PPARD: variants seen among roughly 807,000 people sequenced by gnomAD.
PPARD encodes peroxisome proliferator activated receptor delta.
In PPARD, 6 loss-of-function variants were observed where a neutral mutation model predicts 39.5. That is an observed-to-expected ratio of 0.15 (90% CI 0.08 to 0.30). The LOEUF (loss-of-function observed/expected upper bound fraction) is 0.30. Ranked by LOEUF, PPARD falls within the 10% of genes least tolerant of loss-of-function variation. PPARD has a pLI of 1.00. For synonymous variants in PPARD, 210 were observed against 231.3 expected (o/e 0.91, Z 0.83); for missense variants, 397 against 596.8 (o/e 0.67, Z 3.49).
intron 2 of PPARD, chr6:35,397,541 C>A (rs538832953): frequency 1.0e-6 from 1 of 985,328 alleles, no homozygotes; most frequent in East Asian, 1.1e-4. Context: ...GGGTCAGATA[C>A]CCCTGGAAAA....
rs1284279740 is a variant in PPARD at position 35,424,626 on chromosome 6, A to C, written c.925A>C (p.Ser309Arg). ...NKDGLLVANG[S>R]GFVTREFLRS... Reference sequence around the variant, plus strand: ...GGACGGGCTGCTGGTAGCCAACGGCAGTGGCTTTGTCACCCGTGAGTTCCT... The same window carrying C: ...GGACGGGCTGCTGGTAGCCAACGGCCGTGGCTTTGTCACCCGTGAGTTCCT... The change falls in exon 7 of 8, where the codon AGT becomes CGT. Residue 309 changes from serine (S) to arginine (R), a missense_variant. Physicochemically the swap from Ser to Arg is moderately radical, Grantham distance 110. Coordinates refer to ENST00000360694, the MANE Select transcript of PPARD (RefSeq NM_006238.5). This position sits in a 1 kb window ranked among gnomAD's most constrained non-coding sequence, Gnocchi z 7.1. The C allele has an allele frequency of 1.2e-6, 2 of 1,614,122 alleles. No individual in the cohort carries two copies. Among genetic ancestry groups the C allele is most frequent in the African/African-American group, 2.7e-5 (2 of 74,946 alleles).
At chr6:35,402,282 T>G (rs1383084977) in intron 2 of PPARD, among the ~76,000 whole-genome samples, 1 of 152,244 alleles carries the variant, frequency 6.6e-6, no homozygotes. Context: ...CATGTGTATG[T>G]GCTTTGACAT....
At chr6:35,372,324 C>T (rs923971899) in intron 2 of PPARD, among the ~76,000 whole-genome samples, 2 of 152,176 alleles carry the variant, frequency 1.3e-5, no homozygotes, top group East Asian at 1.9e-4. Flanking sequence ...TTTACAGGCT[C>T]CCGCCACCAT....
At chr6:35,371,137 A>G (rs1762460576) in intron 2 of PPARD, among the ~76,000 whole-genome samples, 2 of 152,110 alleles carry the variant, frequency 1.3e-5, no homozygotes, top group South Asian at 2.1e-4. Flanking sequence ...GCTTTTTATT[A>G]TTACTTCAGC....
rs1581677874 is a variant in PPARD at position 35,424,224 on chromosome 6, GC to G, written c.627+78del. The stretch of plus-strand genomic sequence containing the variant: ...CTGCCGCCTGCCTGACTCCGGGAGA[GC>G]CAGGCCTTCTCCCTCCCTCAACTTC... On this transcript the variant is annotated intron_variant, in intron 6 of 7. Coordinates refer to ENST00000360694, the MANE Select transcript of PPARD (RefSeq NM_006238.5). The surrounding 1 kb of genome is among the most constrained non-coding windows in gnomAD (Gnocchi z 7.1). 5 of 1,594,050 alleles carry G rather than the reference GC, an allele frequency of 3.1e-6. No individual in the cohort carries two copies. In the East Asian group the frequency reaches 1.1e-4, roughly 36 times the overall value.
chr6:35,379,067 T>A (rs989566484), intron 2 of PPARD, among the ~76,000 whole-genome samples: 3 of 151,892 alleles, frequency 2.0e-5, no homozygotes, highest in Non-Finnish European at 2.9e-5. Flanking sequence ...GGGCACAGGG[T>A]TAGGGCTTGG....
intron 2 of PPARD, among the ~76,000 whole-genome samples, chr6:35,385,902 G>A (rs1763621061): frequency 6.6e-6 from 1 of 152,098 alleles, no homozygotes; most frequent in Non-Finnish European, 1.5e-5. Context: ...ACAGAATGGG[G>A]TGGGGAGGGC....
intron 2 of PPARD, among the ~76,000 whole-genome samples, chr6:35,358,813 G>A (rs1761763030): frequency 6.6e-6 from 1 of 152,188 alleles, no homozygotes; most frequent in Non-Finnish European, 1.5e-5. Flanking sequence ...TTCAATAAAT[G>A]TTTATTGTGT....
chr6:35,364,818 T>C (rs930882677), intron 2 of PPARD, among the ~76,000 whole-genome samples: 69 of 151,292 alleles, frequency 4.6e-4, no homozygotes, highest in Non-Finnish European at 8.1e-4. Flanking sequence ...CAAGTGATTC[T>C]TCTGCCTCAG....
At position 35,379,488 on chromosome 6, in the gene PPARD, A is replaced by G. The variant is rs1763012773; in HGVS notation, c.-101-31499A>G. On this transcript the variant is annotated intron_variant, in intron 2 of 7. Transcript: ENST00000360694. Reference sequence around the variant, plus strand: ...GTCTGTGGTCATATATTAAGCAACTATGTGTTCAGTACTGTGCTGGGTGCT... The same window carrying G: ...GTCTGTGGTCATATATTAAGCAACTGTGTGTTCAGTACTGTGCTGGGTGCT... 1.3e-5 allele frequency among the ~76,000 whole-genome samples: 2 copies of G among 152,194 alleles called. 1 individual carries two copies. The highest frequency in any genetic ancestry group is 4.1e-4 in the South Asian group (2 of 4,832).
At position 35,345,553 on chromosome 6, in the gene PPARD, CACTG is replaced by C. The variant is rs368136688; in HGVS notation, c.-185-1509_-185-1506del. On this transcript the variant is annotated intron_variant, in intron 1 of 7. Coordinates refer to ENST00000360694, the MANE Select transcript of PPARD (RefSeq NM_006238.5). ...TTGGCCTCTCAGAGCACTGAGATTA[CACTG>C]ACTGCTCGTTCAGGTGCCTTTCTCC... Among the ~76,000 whole-genome samples the C allele has an allele frequency of 2.9e-4, 44 of 152,334 alleles. No individual in the cohort carries two copies. The East Asian group carries it at 6.6e-3, about 23-fold the overall frequency.
At position 35,383,232 on chromosome 6, in the gene PPARD, G is replaced by T. The variant is rs578160906; in HGVS notation, c.-101-27755G>T. Among the ~76,000 whole-genome samples, 180 of 152,314 alleles carry T rather than the reference G, an allele frequency of 1.2e-3. 1 individual carries two copies. Among genetic ancestry groups the T allele is most frequent in the African/African-American group, 4.2e-3 (174 of 41,546 alleles). On this transcript the variant is annotated intron_variant, in intron 2 of 7. Transcript: ENST00000360694. ...CAAGGGATGGTGTCCCATTGACTTG[G>T]GTGGGAAGCACTAGAGGTGGAGCAG...
chr6:35,358,591 A>G (rs1390275135), intron 2 of PPARD, among the ~76,000 whole-genome samples: 1 of 152,120 alleles, frequency 6.6e-6, no homozygotes, highest in Non-Finnish European at 1.5e-5. Flanking sequence ...ATTTTCCTGA[A>G]CCAGTATTTG....
rs778943909 is a variant in PPARD, at chr6:35,421,894, G to C, written c.360G>C (p.Lys120Asn). ...AGCGCAGCTGCAAGATTCAGAAGAA[G>C]AACCGCAACAAGTGCCAGTACTGCC... Reference protein sequence around the residue: ...KCERSCKIQKKNRNKCQYCRF... With the variant: ...KCERSCKIQKNNRNKCQYCRF... Residue 120 changes from lysine to asparagine, a missense_variant, in exon 5 of 8, where the codon AAG becomes AAC. Physicochemically the swap from Lys to Asn is moderately conservative, Grantham distance 94. Transcript: ENST00000360694. The C allele has an allele frequency of 1.9e-6, 3 of 1,614,038 alleles. No individual in the cohort carries two copies. In the South Asian group the frequency reaches 3.3e-5, roughly 18 times the overall value.
intron 3 of PPARD, among the ~76,000 whole-genome samples, chr6:35,419,115 C>T (rs1765970607): frequency 1.3e-5 from 2 of 152,174 alleles, no homozygotes; most frequent in Non-Finnish European, 1.5e-5. Flanking sequence ...ACATCCCCTT[C>T]TACTCAAAAT....
rs193214740 is a variant in PPARD at position 35,381,330 on chromosome 6, G to A, written c.-101-29657G>A. 3.2e-4 allele frequency among the ~76,000 whole-genome samples: 49 copies of A among 152,306 alleles called. 2 individuals are homozygous for A. Among genetic ancestry groups the A allele is most frequent in the Admixed American group, 2.9e-3 (44 of 15,288 alleles). Reference sequence around the variant, plus strand: ...TTGGCCTTGTAAACTGTAGGTCAGCGATGAGTAATTTAAGAAAACTAAATT... The same window carrying A: ...TTGGCCTTGTAAACTGTAGGTCAGCAATGAGTAATTTAAGAAAACTAAATT... On this transcript the variant is annotated intron_variant, in intron 2 of 7. Coordinates refer to ENST00000360694, the MANE Select transcript of PPARD (RefSeq NM_006238.5).
intron 2 of PPARD, among the ~76,000 whole-genome samples, chr6:35,404,953 T>TTGTGTGTGTGTGTGTG (rs59359748): frequency 7.7e-4 from 110 of 142,212 alleles, no homozygotes; most frequent in East Asian, 2.5e-3. Flanking sequence ...ACTGCAGGCT[T>TTGTGTGTGTGTGTGTG]TGTGTGTGTG....
At chr6:35,383,878 A>G (rs1403739850) in intron 2 of PPARD, among the ~76,000 whole-genome samples, 1 of 137,324 alleles carries the variant, frequency 7.3e-6, no homozygotes, top group Non-Finnish European at 1.5e-5. Flanking sequence ...CCCGGCAGCC[A>G]CCCCGTCTGG....
At chr6:35,396,668 A>G (rs1487222269) in intron 2 of PPARD, among the ~76,000 whole-genome samples, 1 of 151,858 alleles carries the variant, frequency 6.6e-6, no homozygotes, top group African/African-American at 2.4e-5. Flanking sequence ...GTCTTTACTA[A>G]AAATACAAAA....
Sources: allele counts gnomAD v4.1 joint callset (sites outside exome capture counted in the v4.1 genomes callset), GRCh38; gene constraint gnomAD v4.1.1; non-coding constraint Gnocchi (gnomAD v3.1); transcripts MANE v1.5; gene names NCBI Gene and HGNC (gene_info 2026-07-23, HGNC 2026-07-21).